The following PARP14 variants were observed in gnomAD, a reference collection of about 807,000 sequenced individuals.
PARP14 encodes the protein protein mono-ADP-ribosyltransferase PARP14.
Under a neutral mutation model 154.2 loss-of-function variants are expected in PARP14, and 59 were observed. The ratio of observed to expected loss-of-function variants is 0.38; its 90% CI spans 0.31 to 0.48. PARP14 has a LOEUF of 0.48. Ranked by LOEUF, PARP14 falls within the 20% of genes least tolerant of loss-of-function variation. PARP14 has a pLI of 0.98. For synonymous variants in PARP14, 720 were observed against 780.5 expected (o/e 0.92, Z 1.29); for missense variants, 1,734 against 2,131.6 (o/e 0.81, Z 3.67).
chr3:122,725,587 T>G (rs1933268294), intron 15 of PARP14, among the ~76,000 whole-genome samples: 1 of 152,222 alleles, frequency 6.6e-6, no homozygotes, highest in South Asian at 2.1e-4. Context: ...AATATTAAAA[T>G]AGCTATGCTA....
intron 12 of PARP14, among the ~76,000 whole-genome samples, chr3:122,715,617 TC>T (rs1183901585): frequency 1.5e-5 from 2 of 129,708 alleles, no homozygotes; most frequent in African/African-American, 5.1e-5. Flanking sequence ...TATCTATCTA[TC>T]TATCTATCTA....
chr3:122,685,036 CT>C, intron 1 of PARP14, 148 bp from the exon 2 acceptor site: 1 of 746,314 alleles, frequency 1.3e-6, no homozygotes, highest in African/African-American at 1.8e-5. Flanking sequence ...GCTTGCTAAA[CT>C]TTTCCTCTTT....
intron 4 of PARP14, among the ~76,000 whole-genome samples, chr3:122,695,101 T>C (rs763998826): frequency 2.6e-5 from 4 of 152,134 alleles, no homozygotes; most frequent in African/African-American, 9.7e-5. Flanking sequence ...TACCTGCAGG[T>C]AATGGGGAGC....
In PARP14 at chr3:122,728,665, CTTT is replaced by C. The variant is rs1057007399; in HGVS notation, c.*76_*78del. On this transcript the variant is annotated 3_prime_UTR_variant, in exon 17 of 17. Transcript: ENST00000474629. ...TATCTAGTTGTAAAACAAGTTTTAGCTTTTTTTTTTAATTCCTCTTAACAGATT... is the reference window on the plus strand; with the variant it reads ...TATCTAGTTGTAAAACAAGTTTTAGCTTTTTTTAATTCCTCTTAACAGATT... 2 of 1,155,466 alleles carry C rather than the reference CTTT, an allele frequency of 1.7e-6. No individual in the cohort carries two copies. The highest frequency in any genetic ancestry group is 1.2e-6 in the Non-Finnish European group (1 of 832,238). The allele number at this position is 1,155,466 out of a possible 1,614,324, so 71.6% of individuals were successfully genotyped here.
chr3:122,726,054 CTTAT>C (rs1309220126), intron 15 of PARP14, among the ~76,000 whole-genome samples: 1 of 152,108 alleles, frequency 6.6e-6, no homozygotes, highest in African/African-American at 2.4e-5. Flanking sequence ...TACTTTAAGC[CTTAT>C]TTATCTCTCT....
intron 16 of PARP14, 74 bp downstream of exon 16, chr3:122,728,060 G>A (rs1466895307): frequency 7.4e-7 from 1 of 1,355,560 alleles, no homozygotes; most frequent in Non-Finnish European, 1.0e-6. Context: ...GGGACAGTGT[G>A]GATTCATTGT....
chr3:122,719,069 A>G, intron 14 of PARP14, 111 bp downstream of exon 14: 1 of 1,096,278 alleles, frequency 9.1e-7, no homozygotes, highest in Non-Finnish European at 1.3e-6. Flanking sequence ...TGTGACACTA[A>G]TGAAATAAAC....
chr3:122,685,106 G>A, intron 1 of PARP14, 79 bp from the exon 2 acceptor site: 5 of 1,518,654 alleles, frequency 3.3e-6, no homozygotes, highest in Non-Finnish European at 4.5e-6. Flanking sequence ...TGGTAATGCA[G>A]CCCACGGAAA....
intron 3 of PARP14, among the ~76,000 whole-genome samples, chr3:122,690,608 T>G (rs1938509895): frequency 6.6e-6 from 1 of 152,196 alleles, no homozygotes; most frequent in Admixed American, 6.5e-5. Context: ...GCCTCCCAGC[T>G]TCAAGCGATT....
In PARP14 at chr3:122,685,078, G is replaced by A. The variant is rs1322900266; in HGVS notation, c.188-107G>A. 2.3e-5 allele frequency: 29 copies of A among 1,252,390 alleles called. No individual in the cohort carries two copies. The Middle Eastern group carries it at 5.7e-4, about 25-fold the overall frequency. The allele number at this position is 1,252,390 out of a possible 1,614,324, so 77.6% of individuals were successfully genotyped here. A position where few individuals can be genotyped will look rare whatever the true frequency, so the allele number is the denominator to read the frequency against. Reference sequence around the variant, plus strand: ...CACATATAGCCTCTCTTGAGAAACCGACCAAGCCATTGATTGATGGTAATG... The same window carrying A: ...CACATATAGCCTCTCTTGAGAAACCAACCAAGCCATTGATTGATGGTAATG... On this transcript the variant is annotated intron_variant, in intron 1 of 16. Coordinates refer to ENST00000474629, the MANE Select transcript of PARP14 (RefSeq NM_017554.3).
intron 13 of PARP14, 35 bp from the exon 14 acceptor site, chr3:122,718,324 A>T: frequency 6.2e-7 from 1 of 1,612,014 alleles, no homozygotes; most frequent in Non-Finnish European, 8.5e-7. Context: ...CGTTGATGTC[A>T]CATGTGAAAT....
rs750608071 is a variant in PARP14 at position 122,720,394 on chromosome 3, C to A, written c.4941+6C>A. 6.2e-7 allele frequency: 1 copy of A among 1,612,048 alleles called. No individual in the cohort carries two copies. Among genetic ancestry groups the A allele is most frequent in the East Asian group, 2.2e-5 (1 of 44,864 alleles). ...CACACTTCAGAATAGAGAAGGTAAG[C>A]CTTCTGCTAGAATGCAGTTTCTGGA... On this transcript the variant is annotated splice_donor_region_variant and intron_variant, in intron 15 of 16. Transcript: ENST00000474629.
At position 122,685,282 on chromosome 3, in the gene PARP14, A is replaced by G. The variant is rs1317980069; in HGVS notation, c.285A>G (p.Glu95=). ...TCCAGTTACCTGCAACCCCAGATGA[A>G]ATCGATCATGTCTTTGAAGAGGAAC... ...LTVQLPATPD[E]IDHVFEEELL... The change falls in exon 2 of 17, where the codon GAA becomes GAG. Residue 95 remains glutamate, a synonymous_variant. Transcript: ENST00000474629. The G allele has an allele frequency of 6.2e-7, 1 of 1,613,784 alleles. No individual in the cohort carries two copies. Among genetic ancestry groups the G allele is most frequent in the African/African-American group, 1.3e-5 (1 of 74,932 alleles).
Position 122,681,186 on chromosome 3 carries a change from G to C in PARP14, c.187+116G>C. 1.7e-6 allele frequency: 1 copy of C among 581,430 alleles called. No homozygotes were observed. The highest frequency in any genetic ancestry group is 2.9e-6 in the Non-Finnish European group (1 of 340,542). 36.0% of individuals were successfully genotyped at this position (581,430 alleles called of 1,614,324 possible). A position where few individuals can be genotyped will look rare whatever the true frequency, so the allele number is the denominator to read the frequency against. ...CCCGACTTCGGCGGCTGCTGTAGCG[G>C]AGGTGGCCGGGGCGGGGGCGGGGGC... is the stretch of plus-strand genomic sequence containing the variant. On this transcript the variant is annotated intron_variant, in intron 1 of 16. Transcript: ENST00000474629. This position sits in a 1 kb window ranked among gnomAD's most constrained non-coding sequence, Gnocchi z 5.5.
At position 122,703,748 on chromosome 3, in the gene PARP14, G is replaced by A. The variant is rs758030829; in HGVS notation, c.3088G>A (p.Val1030Ile). The A allele has an allele frequency of 2.5e-6, 4 of 1,587,172 alleles. No homozygotes were observed. The highest frequency in any genetic ancestry group is 3.4e-6 in the Non-Finnish European group (4 of 1,166,424). Reference sequence around the variant, plus strand: ...TTTTGGTTTTGTCTTTAAGACCGATGTTGTTGTCAACTCCGTTCCCTTGGA... The same window carrying A: ...TTTTGGTTTTGTCTTTAAGACCGATATTGTTGTCAACTCCGTTCCCTTGGA... ...KEGVQNAKTD[V>I]VVNSVPLDLV... Residue 1030 changes from valine to isoleucine, a missense_variant, in exon 7 of 17, where the codon GTT (valine) becomes ATT (isoleucine). Around this residue, in one of 2 missense-constraint regions of PARP14, gnomAD observed 1,646 missense variants for 1,976.0 expected, o/e 0.83. Transcript: ENST00000474629.
intron 6 of PARP14, among the ~76,000 whole-genome samples, chr3:122,702,083 G>A (rs570908164): frequency 4.7e-4 from 71 of 152,312 alleles, no homozygotes; most frequent in Non-Finnish European, 8.4e-4. Context: ...AGTCTAAGGG[G>A]CCATCAGCGC....
chr3:122,683,285 C>A, intron 1 of PARP14: 3 of 984,564 alleles, frequency 3.0e-6, no homozygotes, highest in Non-Finnish European at 3.6e-6. Context: ...ACCCTCCATG[C>A]CAGGAAGTGG....
In PARP14 at chr3:122,685,455, G is replaced by A. The variant is rs532301641; in HGVS notation, c.321+137G>A. On this transcript the variant is annotated intron_variant, in intron 2 of 16. Coordinates refer to ENST00000474629, the MANE Select transcript of PARP14 (RefSeq NM_017554.3). ...CGAGAAAAGCAGATTACAAATGTAG[G>A]GGGAGTGAGGGCAGTGGTAGGGTAG... is the stretch of plus-strand genomic sequence containing the variant. 9.3e-5 allele frequency: 72 copies of A among 771,266 alleles called. No individual in the cohort carries two copies. In the Middle Eastern group the frequency reaches 2.5e-3, roughly 27 times the overall value. 47.8% of individuals were successfully genotyped at this position (771,266 alleles called of 1,614,324 possible). A position where few individuals can be genotyped will look rare whatever the true frequency, so the allele number is the denominator to read the frequency against.
rs563186973 is a variant in PARP14, at chr3:122,718,809, A to G, written c.4658A>G (p.Asn1553Ser). 4 of 1,613,984 alleles carry G rather than the reference A, an allele frequency of 2.5e-6. No individual in the cohort carries two copies. The highest frequency in any genetic ancestry group is 1.7e-5 in the Admixed American group (1 of 60,022). Residue 1553 changes from asparagine (N) to serine (S), a missense_variant, in exon 14 of 17, where the codon AAT becomes AGT. By Grantham distance (46) the Asn-to-Ser change is conservative. Transcript: ENST00000474629. Reference sequence around the variant, plus strand: ...TCTCATTGTTTTAACAAAATGACCAATCTGAAATTAGAGGATGCAAGGAGA... The same window carrying G: ...TCTCATTGTTTTAACAAAATGACCAGTCTGAAATTAGAGGATGCAAGGAGA... ...NTSHCFNKMT[N>S]LKLEDARREK...
Sources: allele counts gnomAD v4.1 joint callset (sites outside exome capture counted in the v4.1 genomes callset), GRCh38; gene constraint gnomAD v4.1.1; regional missense constraint gnomAD v4.1.1; non-coding constraint Gnocchi (gnomAD v3.1); transcripts MANE v1.5; gene names NCBI Gene and HGNC (gene_info 2026-07-23, HGNC 2026-07-21).